The following LMO7 variants were observed in gnomAD, a reference collection of about 807,000 sequenced individuals.
The protein encoded by LMO7 is LIM domain only protein 7.
LMO7 carries 120 observed loss-of-function variants against 206.5 expected under a neutral mutation model. The observed-to-expected ratio is 0.58, with a 90% CI of 0.50 to 0.68. The LOEUF is 0.68. Among genes scored for constraint, LMO7 ranks in the 30% least tolerant of loss-of-function variants. The pLI is 0.00. For synonymous variants in LMO7, 706 were observed against 681.5 expected, an observed-to-expected ratio of 1.04 and a Z score of -0.56; for missense variants, 1,959 against 1,957.9, an observed-to-expected ratio of 1.00 and a Z score of -0.01.
chr13:75,842,631 G>A (rs1256084156), intron 24 of LMO7, among the ~76,000 whole-genome samples: 2 of 152,140 alleles, frequency 1.3e-5, no homozygotes, highest in African/African-American at 4.8e-5. Flanking sequence ...TGGGGACTCA[G>A]TATGTATTTG....
At chr13:75,834,025 C>T (rs919680920) in intron 16 of LMO7, among the ~76,000 whole-genome samples, 2 of 151,908 alleles carry the variant, frequency 1.3e-5, no homozygotes, top group Non-Finnish European at 2.9e-5. Context: ...AAGATGCATT[C>T]TATAGAACTT....
intron 3 of LMO7, among the ~76,000 whole-genome samples, chr13:75,751,091 A>G (rs2047227613): frequency 6.9e-6 from 1 of 144,344 alleles, no homozygotes; most frequent in African/African-American, 2.5e-5. Context: ...GTCACCTAGT[A>G]TCTTGTCTTT....
intron 23 of LMO7, 127 bp from the exon 24 acceptor site, chr13:75,841,501 A>T (rs528591087): frequency 2.9e-6 from 2 of 684,998 alleles, no homozygotes; most frequent in African/African-American, 1.8e-5. Flanking sequence ...AACTCTTAAC[A>T]TGTTTTTTGA....
chr13:75,750,174 C>A (rs77491329), intron 3 of LMO7, among the ~76,000 whole-genome samples: 6,668 of 152,124 alleles, frequency 0.044, 250 homozygotes, highest in South Asian at 0.19. Context: ...TTAGAAGTTG[C>A]TTTAAAATAA....
chr13:75,731,506 T>G (rs1429209761), intron 3 of LMO7, among the ~76,000 whole-genome samples: 5 of 152,200 alleles, frequency 3.3e-5, no homozygotes, highest in African/African-American at 1.2e-4. Flanking sequence ...ATTCTTTTAT[T>G]TTGAGCCTAT....
intron 11 of LMO7, among the ~76,000 whole-genome samples, chr13:75,812,049 C>A (rs1346839803): frequency 4.6e-5 from 7 of 152,174 alleles, no homozygotes; most frequent in Non-Finnish European, 8.8e-5. Flanking sequence ...TTTCCCTCCA[C>A]CCCCAGGAGA....
At chr13:75,654,212 A>G (rs2037833866) in intron 1 of LMO7, among the ~76,000 whole-genome samples, 1 of 152,238 alleles carries the variant, frequency 6.6e-6, no homozygotes, top group South Asian at 2.1e-4. Context: ...AATTCAAGGC[A>G]CAGAAGGTAG....
At chr13:75,709,506 G>A (rs1352978426) in intron 1 of LMO7, among the ~76,000 whole-genome samples, 19 of 151,946 alleles carry the variant, frequency 1.3e-4, no homozygotes, top group African/African-American at 3.9e-4. Flanking sequence ...GGTGTGAGAT[G>A]GTATCTCATT....
chr13:75,664,379 T>C (rs1349930966), intron 1 of LMO7, among the ~76,000 whole-genome samples: 1 of 152,258 alleles, frequency 6.6e-6, no homozygotes, highest in Non-Finnish European at 1.5e-5. Flanking sequence ...TTTTTATGGC[T>C]GAATAGTACT....
rs770278116 is a variant in LMO7, at chr13:75,817,277, A to T, written c.2063A>T (p.Asp688Val). ...AAAGAACAAGATCAGAAATGGCAGGATGTGAGTATTTTGGGGATTGGAGGG... is the reference window on the plus strand; with the variant it reads ...AAAGAACAAGATCAGAAATGGCAGGTTGTGAGTATTTTGGGGATTGGAGGG... ...QLKEQDQKWQ[D>V]DLAKWKDRRK... Residue 688 changes from aspartate to valine, a missense_variant and splice_region_variant, in exon 12 of 31, where the codon GAT becomes GTT. By Grantham distance (152) the Asp-to-Val change is radical. Coordinates refer to ENST00000377534, the MANE Select transcript of LMO7 (RefSeq NM_001306080.2). 4 of 1,594,696 alleles carry T rather than the reference A, an allele frequency of 2.5e-6. No individual in the cohort carries two copies. The highest frequency in any genetic ancestry group is 4.5e-5 in the East Asian group (2 of 44,762).
At chr13:75,795,296 A>G (rs41286120) in intron 4 of LMO7, 105 bp from the exon 5 acceptor site, 3 of 743,246 alleles carry the variant, frequency 4.0e-6, no homozygotes, top group Non-Finnish European at 6.8e-6. Context: ...TCCATGTGAT[A>G]TTAATATTCA....
At chr13:75,832,325 A>G (rs1030216495) in intron 15 of LMO7, among the ~76,000 whole-genome samples, 1 of 152,188 alleles carries the variant, frequency 6.6e-6, no homozygotes, top group African/African-American at 2.4e-5. Flanking sequence ...CTTTTGTCCA[A>G]GAGGCTATTG....
At chr13:75,657,316 C>T (rs1376029262) in intron 1 of LMO7, among the ~76,000 whole-genome samples, 2 of 152,200 alleles carry the variant, frequency 1.3e-5, no homozygotes, top group Non-Finnish European at 2.9e-5. Flanking sequence ...TACTTTATTA[C>T]AGCAGCCCTA....
chr13:75,856,649 G>T (rs1174178072), intron 30 of LMO7, 41 bp downstream of exon 30: 1 of 1,168,380 alleles, frequency 8.6e-7, no homozygotes, highest in East Asian at 2.3e-5. Context: ...TGCCTTTTAA[G>T]GAGGCCACGG....
intron 1 of LMO7, among the ~76,000 whole-genome samples, chr13:75,643,076 A>G (rs1210040452): frequency 6.6e-6 from 1 of 152,228 alleles, no homozygotes; most frequent in Non-Finnish European, 1.5e-5. Flanking sequence ...GAGAAAGAGG[A>G]ATGGTGTCCT....
intron 11 of LMO7, among the ~76,000 whole-genome samples, chr13:75,812,468 T>A (rs950071638): frequency 6.6e-6 from 1 of 151,132 alleles, no homozygotes; most frequent in Non-Finnish European, 1.5e-5. Flanking sequence ...AATTTCTGTT[T>A]GCCGTATAAG....
intron 4 of LMO7, among the ~76,000 whole-genome samples, chr13:75,791,010 T>C (rs1252411279): frequency 4.7e-5 from 7 of 150,414 alleles, no homozygotes; most frequent in Non-Finnish European, 8.8e-5. Context: ...GGAGTCTTGC[T>C]CTGTCGCCCA....
At chr13:75,766,397 AC>A (rs1414555003) in intron 4 of LMO7, among the ~76,000 whole-genome samples, 3 of 152,126 alleles carry the variant, frequency 2.0e-5, no homozygotes, top group African/African-American at 7.2e-5. Flanking sequence ...TTCTGGAGCT[AC>A]AGAGTAGAAA....
chr13:75,836,602 A>G (rs1490110919), intron 19 of LMO7, 145 bp downstream of exon 19: 5 of 553,828 alleles, frequency 9.0e-6, no homozygotes, highest in South Asian at 2.4e-5. Flanking sequence ...CGCAGATCCA[A>G]TTGCAGCCAG....
Sources: gnomAD v4.1 joint callset for allele counts (sites outside exome capture counted in the v4.1 genomes callset) on GRCh38, gnomAD v4.1.1 for gene constraint, MANE v1.5 for transcripts, NCBI Gene and HGNC (gene_info 2026-07-23, HGNC 2026-07-21) for gene names.